The following ERCC6L2 variants were observed in gnomAD, a reference collection of about 807,000 sequenced individuals.
ERCC6L2 encodes the protein ERCC excision repair 6 like 2.
In ERCC6L2, 77 loss-of-function variants were observed where a neutral mutation model predicts 132.0. The ratio of observed to expected loss-of-function variants is 0.58; its 90% CI spans 0.49 to 0.71. The LOEUF (loss-of-function observed/expected upper bound fraction) is 0.71, where lower values mean the gene tolerates loss of function less well. Among genes scored for constraint, ERCC6L2 ranks in the 30% least tolerant of loss-of-function variants. ERCC6L2 has a pLI of 0.00. For missense variants in ERCC6L2, 1,542 were observed against 1,837.6 expected (o/e 0.84, Z 2.94); for synonymous variants, 583 against 632.4 (o/e 0.92, Z 1.17).
chr9:95,881,011 A>T lies in ERCC6L2; in HGVS notation c.189A>T (p.Lys63Asn). 1 of 1,614,064 alleles carries T rather than the reference A, an allele frequency of 6.2e-7. No individual in the cohort carries two copies. Residue 63 changes from lysine (K) to asparagine (N), a missense_variant, in exon 2 of 19, where the codon AAA (lysine) becomes AAT (asparagine). By Grantham distance (94) the Lys-to-Asn change is moderately conservative (BLOSUM62 0). Coordinates refer to ENST00000653738, the MANE Select transcript of ERCC6L2 (RefSeq NM_020207.7). ...TATATGCAGATTTTCAAGAAAGGAA[A>T]ATACCTCTTAAACAGCTTCAAGAAG... ...VVLYADFQER[K>N]IPLKQLQEVK... is the part of the protein sequence containing the mutation.
At chr9:95,893,842 A>G (rs1396834142) in intron 2 of ERCC6L2, among the ~76,000 whole-genome samples, 1 of 152,000 alleles carries the variant, frequency 6.6e-6, no homozygotes, top group Non-Finnish European at 1.5e-5. Context: ...ATTGTTGATC[A>G]TTTTCATTGT....
At chr9:95,918,457 G>T in intron 6 of ERCC6L2, 1 of 471,200 alleles carries the variant, frequency 2.1e-6, no homozygotes, top group South Asian at 1.6e-5. Context: ...ATTTATTCAG[G>T]TCCTGCAGGT....
intron 16 of ERCC6L2, among the ~76,000 whole-genome samples, chr9:95,973,796 A>T (rs1832541177): frequency 6.6e-6 from 1 of 152,176 alleles, no homozygotes. Flanking sequence ...GTTCAGTCTC[A>T]TCCATTTTGT....
At chr9:95,899,345 G>A (rs115111113) in intron 3 of ERCC6L2, among the ~76,000 whole-genome samples, 416 of 152,024 alleles carry the variant, frequency 2.7e-3, no homozygotes, top group African/African-American at 9.7e-3. Context: ...CAGGTACTTC[G>A]GAGGCTGAAG....
At chr9:95,891,169 C>G (rs2132563593) in intron 2 of ERCC6L2, among the ~76,000 whole-genome samples, 1 of 152,272 alleles carries the variant, frequency 6.6e-6, no homozygotes, top group East Asian at 1.9e-4. Context: ...GTCAAGATCG[C>G]ACCATTGCAC....
At position 96,012,211 on chromosome 9, in the gene ERCC6L2, C is replaced by G; in HGVS notation, c.3675-14C>G. 8.2e-7 allele frequency: 1 copy of G among 1,222,694 alleles called. No homozygotes were observed. Among genetic ancestry groups the G allele is most frequent in the Non-Finnish European group, 1.1e-6 (1 of 947,212 alleles). The allele number at this position is 1,222,694 out of a possible 1,614,324, so 75.7% of individuals were successfully genotyped here. On this transcript the variant is annotated splice_polypyrimidine_tract_variant and intron_variant, in intron 18 of 18. Transcript: ENST00000653738. ...AATGAAAATAACCACTAGTTTTGTT[C>G]ATTTAATCTTTAGAAAACAATTTGA...
At chr9:95,881,322 C>G in intron 2 of ERCC6L2, 29 bp downstream of exon 2, 6 of 1,474,696 alleles carry the variant, frequency 4.1e-6, no homozygotes, top group Non-Finnish European at 5.5e-6. Flanking sequence ...ACAGTAAAGT[C>G]ACTTTACTGT....
chr9:95,920,704 G>A (rs1158051659), intron 6 of ERCC6L2, among the ~76,000 whole-genome samples: 1 of 152,162 alleles, frequency 6.6e-6, no homozygotes, highest in Non-Finnish European at 1.5e-5. Context: ...GTGGGGTGGA[G>A]AGCAAAGAAT....
rs1320122831 is a variant in ERCC6L2, at chr9:96,004,510, T to C, written c.3493-10T>C. 3 of 1,290,068 alleles carry C rather than the reference T, an allele frequency of 2.3e-6. No homozygotes were observed. Among genetic ancestry groups the C allele is most frequent in the African/African-American group, 3.1e-5 (2 of 65,008 alleles). The allele number at this position is 1,290,068 out of a possible 1,614,324, so 79.9% of individuals were successfully genotyped here. A position where few individuals can be genotyped will look rare whatever the true frequency, so the allele number is the denominator to read the frequency against. ...TCAGACATAGCTTTTGTTTCCTTTCTTTTTTTCAGACATATAAAGAAAAAG... is the reference window on the plus strand; with the variant it reads ...TCAGACATAGCTTTTGTTTCCTTTCCTTTTTTCAGACATATAAAGAAAAAG... On this transcript the variant is annotated splice_polypyrimidine_tract_variant and intron_variant, in intron 17 of 18. Transcript: ENST00000653738.
chr9:95,952,365 C>A (rs1307666485), intron 12 of ERCC6L2, among the ~76,000 whole-genome samples: 1 of 151,838 alleles, frequency 6.6e-6, no homozygotes, highest in Non-Finnish European at 1.5e-5. Context: ...AAAATGCCAG[C>A]AAACTGAATT....
At chr9:95,986,467 G>T (rs1412084874) in intron 17 of ERCC6L2, among the ~76,000 whole-genome samples, 1 of 150,926 alleles carries the variant, frequency 6.6e-6, no homozygotes, top group Non-Finnish European at 1.5e-5. Context: ...TGAGGACAGG[G>T]ATGTATGATT....
Position 95,941,489 on chromosome 9 carries a change from A to T in ERCC6L2, c.1787A>T (p.Asn596Ile). The change falls in exon 12 of 19, where the codon AAT becomes ATT. Residue 596 changes from asparagine (N) to isoleucine (I), a missense_variant. Physicochemically the swap from Asn to Ile is moderately radical, Grantham distance 149. Around this residue, in one of 4 missense-constraint regions of ERCC6L2, gnomAD observed 945 missense variants for 1,105.2 expected, o/e 0.86. Transcript: ENST00000653738. Reference protein sequence around the residue: ...GGLGLNFVGANVVVLFDPTWN... With the variant: ...GGLGLNFVGAIVVVLFDPTWN... ...CTAGGCCTCAATTTTGTCGGTGCCA[A>T]TGTTGTTGTATTATTTGATCCTACT... 1.9e-6 allele frequency: 3 copies of T among 1,613,110 alleles called. No individual in the cohort carries two copies. The highest frequency in any genetic ancestry group is 2.5e-6 in the Non-Finnish European group (3 of 1,179,592).
intron 6 of ERCC6L2, among the ~76,000 whole-genome samples, 168 bp from the exon 7 acceptor site, chr9:95,921,007 C>A (rs1294883375): frequency 1.3e-5 from 2 of 152,236 alleles, no homozygotes; most frequent in African/African-American, 4.8e-5. Context: ...TATCTCTTGA[C>A]CTTGTGATCC....
chr9:96,012,956 A>G lies in ERCC6L2; in HGVS notation c.4406A>G (p.Glu1469Gly), dbSNP rs1390180756. 2 of 1,367,204 alleles carry G rather than the reference A, an allele frequency of 1.5e-6. No individual in the cohort carries two copies. Among genetic ancestry groups the G allele is most frequent in the African/African-American group, 3.0e-5 (2 of 67,754 alleles). 84.7% of individuals were successfully genotyped at this position (1,367,204 alleles called of 1,614,324 possible). A position where few individuals can be genotyped will look rare whatever the true frequency, so the allele number is the denominator to read the frequency against. Reference sequence around the variant, plus strand: ...AAGAAAGTTCTTTCAGGGCCCATGGAAAAAGCAAAACAGAGACCAAAAGAT... The same window carrying G: ...AAGAAAGTTCTTTCAGGGCCCATGGGAAAAGCAAAACAGAGACCAAAAGAT... ...LPKKVLSGPMEKAKQRPKDFW... is the reference protein window; with the variant it reads ...LPKKVLSGPMGKAKQRPKDFW... Residue 1469 changes from glutamate (E) to glycine (G), a missense_variant, in exon 19 of 19, where the codon GAA (glutamate) becomes GGA (glycine). Coordinates refer to ENST00000653738, the MANE Select transcript of ERCC6L2 (RefSeq NM_020207.7).
chr9:95,888,068 G>GTT (rs71368214), intron 2 of ERCC6L2, among the ~76,000 whole-genome samples: 2,665 of 138,874 alleles, frequency 0.019, 84 homozygotes, highest in African/African-American at 0.065. Flanking sequence ...GCACTTTGTG[G>GTT]TTTTTTTTTT....
intron 13 of ERCC6L2, among the ~76,000 whole-genome samples, chr9:95,965,514 C>A (rs1218809429): frequency 6.6e-6 from 1 of 151,976 alleles, no homozygotes; most frequent in Non-Finnish European, 1.5e-5. Context: ...TTAAGCATTT[C>A]TCTTTTTTTG....
chr9:95,899,958 T>G (rs1031627738), intron 3 of ERCC6L2, among the ~76,000 whole-genome samples: 2 of 152,230 alleles, frequency 1.3e-5, no homozygotes, highest in Non-Finnish European at 2.9e-5. Flanking sequence ...AATCCACTGA[T>G]ATGAAACCCA....
chr9:95,928,236 A>G, intron 10 of ERCC6L2, 86 bp downstream of exon 10: 2 of 841,052 alleles, frequency 2.4e-6, no homozygotes, highest in Non-Finnish European at 3.8e-6. Context: ...ATGACACCTT[A>G]CAGCCACATT....
intron 3 of ERCC6L2, 136 bp from the exon 4 acceptor site, chr9:95,906,942 A>G: frequency 1.6e-6 from 1 of 644,156 alleles, no homozygotes; most frequent in Non-Finnish European, 2.7e-6. Context: ...ATAGCTAATC[A>G]CTCAGTTGTA....
Sources: gnomAD v4.1 joint callset for allele counts (sites outside exome capture counted in the v4.1 genomes callset) on GRCh38, gnomAD v4.1.1 for gene constraint, gnomAD v4.1.1 regional missense constraint, MANE v1.5 for transcripts, NCBI Gene and HGNC (gene_info 2026-07-23, HGNC 2026-07-21) for gene names.